Variants in CNTN5 observed in about 807,000 individuals in gnomAD.
CNTN5 encodes contactin-5.
In CNTN5, 77 loss-of-function variants were observed where a neutral mutation model predicts 129.1. That is an observed-to-expected ratio of 0.60 (90% CI 0.50 to 0.72). The LOEUF is 0.72. CNTN5 is among the 30% of genes least tolerant of loss of function. CNTN5 has a pLI of 0.00. For synonymous variants in CNTN5, 509 were observed against 465.6 expected, an observed-to-expected ratio of 1.09 and a Z score of -1.20; for missense variants, 1,478 against 1,328.8, an observed-to-expected ratio of 1.11 and a Z score of -1.75.
At chr11:99,873,850 A>G (rs987430999) in intron 6 of CNTN5, among the ~76,000 whole-genome samples, 10 of 152,166 alleles carry the variant, frequency 6.6e-5, no homozygotes, top group Non-Finnish European at 1.0e-4. Flanking sequence ...AAGGTGATAC[A>G]TACATATCAG....
chr11:99,134,472 A>G (rs1348209808), intron 1 of CNTN5, among the ~76,000 whole-genome samples: 2 of 152,206 alleles, frequency 1.3e-5, no homozygotes, highest in Non-Finnish European at 2.9e-5. Context: ...ATTAGAATAT[A>G]TTATAAATAA....
At chr11:99,830,141 C>T (rs1421989297) in intron 4 of CNTN5, among the ~76,000 whole-genome samples, 1 of 152,030 alleles carries the variant, frequency 6.6e-6, no homozygotes, top group Non-Finnish European at 1.5e-5. Flanking sequence ...GGAGCATGTT[C>T]TTCTGTTTGT....
intron 21 of CNTN5, among the ~76,000 whole-genome samples, chr11:100,312,167 T>C (rs1951485552): frequency 6.6e-6 from 1 of 152,106 alleles, no homozygotes; most frequent in South Asian, 2.1e-4. Context: ...ATCTCATTAA[T>C]TGTGAAATTC....
chr11:100,055,911 T>C (rs11222562), intron 9 of CNTN5, among the ~76,000 whole-genome samples: 43,758 of 151,228 alleles, frequency 0.29, 6,717 homozygotes, highest in East Asian at 0.48. Flanking sequence ...AGATTGGACT[T>C]ACACCCTCTA....
chr11:100,350,091 A>G (rs1388118508), intron 23 of CNTN5, among the ~76,000 whole-genome samples: 1 of 151,882 alleles, frequency 6.6e-6, no homozygotes, highest in Non-Finnish European at 1.5e-5. Flanking sequence ...CCAAAAAGCA[A>G]ACCACTACAA....
chr11:100,170,637 C>T (rs1192536809), intron 13 of CNTN5, among the ~76,000 whole-genome samples: 1 of 151,956 alleles, frequency 6.6e-6, no homozygotes, highest in East Asian at 1.9e-4. Flanking sequence ...GTGATTATCT[C>T]AAACGCACTG....
intron 1 of CNTN5, among the ~76,000 whole-genome samples, chr11:99,209,777 A>C (rs1326690672): frequency 6.6e-6 from 1 of 152,214 alleles, no homozygotes; most frequent in Admixed American, 6.5e-5. Context: ...GTAATTTACT[A>C]ATTTACTGCC....
chr11:99,733,645 G>T (rs1055913244), intron 3 of CNTN5, among the ~76,000 whole-genome samples: 1 of 152,108 alleles, frequency 6.6e-6, no homozygotes. Context: ...AAGATGCAAG[G>T]TGCTGTAGTT....
At chr11:99,964,540 T>A (rs1687836292) in intron 8 of CNTN5, among the ~76,000 whole-genome samples, 1 of 152,198 alleles carries the variant, frequency 6.6e-6, no homozygotes, top group Non-Finnish European at 1.5e-5. Context: ...CTTTTTGATG[T>A]GCTGCCGGAT....
At chr11:99,348,029 T>G (rs1938021337) in intron 2 of CNTN5, among the ~76,000 whole-genome samples, 1 of 152,238 alleles carries the variant, frequency 6.6e-6, no homozygotes, top group Non-Finnish European at 1.5e-5. Context: ...TGTTATTTAT[T>G]TAATGAAAAT....
chr11:99,487,074 T>C (rs1270549497), intron 2 of CNTN5, among the ~76,000 whole-genome samples: 1 of 152,156 alleles, frequency 6.6e-6, no homozygotes, highest in African/African-American at 2.4e-5. Flanking sequence ...AGTAAATAGA[T>C]GTTGGCAGAG....
intron 2 of CNTN5, among the ~76,000 whole-genome samples, chr11:99,392,174 T>C (rs1292049732): frequency 6.6e-6 from 1 of 151,584 alleles, no homozygotes; most frequent in Admixed American, 6.6e-5. Context: ...GTAATGCTTT[T>C]AGATCCCATG....
intron 6 of CNTN5, among the ~76,000 whole-genome samples, chr11:99,894,519 A>C (rs2135923783): frequency 6.7e-6 from 1 of 150,048 alleles, no homozygotes; most frequent in Non-Finnish European, 1.5e-5. Context: ...CAGCAGCAAA[A>C]AAAAAAAAAA....
At chr11:99,435,850 C>T (rs945472770) in intron 2 of CNTN5, among the ~76,000 whole-genome samples, 2 of 152,028 alleles carry the variant, frequency 1.3e-5, no homozygotes, top group African/African-American at 4.8e-5. Flanking sequence ...CCATGTAGGC[C>T]ATGAAATTAT....
chr11:100,048,249 C>T (rs1275096031), intron 9 of CNTN5, among the ~76,000 whole-genome samples: 2 of 152,174 alleles, frequency 1.3e-5, no homozygotes, highest in Non-Finnish European at 2.9e-5. Flanking sequence ...TGAGGGCTTA[C>T]ATCAGTGGCC....
intron 3 of CNTN5, among the ~76,000 whole-genome samples, chr11:99,575,605 A>C (rs1011307661): frequency 3.3e-5 from 5 of 152,210 alleles, no homozygotes; most frequent in African/African-American, 1.2e-4. Context: ...TTCCAAAGTA[A>C]GTTGATAAAA....
At chr11:99,819,500 A>G (rs745803839) in intron 3 of CNTN5, 44 bp from the exon 4 acceptor site, 2 of 1,505,804 alleles carry the variant, frequency 1.3e-6, no homozygotes, top group Admixed American at 1.8e-5. Context: ...AAAATAAACT[A>G]GTTTCCTCAA....
intron 9 of CNTN5, among the ~76,000 whole-genome samples, chr11:100,004,515 T>C (rs1372031798): frequency 2.0e-5 from 3 of 152,206 alleles, no homozygotes; most frequent in Admixed American, 6.5e-5. Flanking sequence ...TAACACAATT[T>C]TAAATTTCCC....
chr11:99,790,397 G>A (rs1417755972), intron 3 of CNTN5, among the ~76,000 whole-genome samples: 1 of 151,634 alleles, frequency 6.6e-6, no homozygotes, highest in Non-Finnish European at 1.5e-5. Context: ...TCAATGTTTA[G>A]CTCCTACTTG....
Sources: allele counts gnomAD v4.1 joint callset (sites outside exome capture counted in the v4.1 genomes callset), GRCh38; gene constraint gnomAD v4.1.1; transcripts MANE v1.5; gene names NCBI Gene and HGNC (gene_info 2026-07-23, HGNC 2026-07-21).